ANO4: variants seen among roughly 807,000 people sequenced by gnomAD.
ANO4 encodes the protein anoctamin 4.
A neutral mutation model predicts 141.9 loss-of-function variants in ANO4; 69 were observed. The observed-to-expected ratio is 0.49, with a 90% CI of 0.40 to 0.59. The LOEUF (loss-of-function observed/expected upper bound fraction) is 0.59. ANO4 is among the 20% of genes least tolerant of loss of function. ANO4 has a pLI of 0.00. For synonymous variants in ANO4, 350 were observed against 394.3 expected (o/e 0.89, Z 1.33); for missense variants, 894 against 1,162.2 (o/e 0.77, Z 3.36).
chr12:100,855,006 CT>C (rs1320141017), intron 1 of ANO4, among the ~76,000 whole-genome samples: 1 of 151,196 alleles, frequency 6.6e-6, no homozygotes, highest in African/African-American at 2.4e-5. Flanking sequence ...ATTTTTTTTT[CT>C]CCTCATACGC....
At chr12:100,962,919 T>G (rs2043488532) in intron 5 of ANO4, among the ~76,000 whole-genome samples, 1 of 151,890 alleles carries the variant, frequency 6.6e-6, no homozygotes, top group Non-Finnish European at 1.5e-5. Context: ...TGGAGAGAAG[T>G]GGATAGATTA....
At chr12:101,064,217 C>T (rs117581944) in intron 14 of ANO4, among the ~76,000 whole-genome samples, 2,196 of 152,160 alleles carry the variant, frequency 0.014, 20 homozygotes, top group Non-Finnish European at 0.024. Context: ...TATTTTTAAT[C>T]AGTCCAAAAT....
At chr12:100,849,309 A>T (rs1406705220) in intron 1 of ANO4, among the ~76,000 whole-genome samples, 1 of 152,238 alleles carries the variant, frequency 6.6e-6, no homozygotes, top group African/African-American at 2.4e-5. Flanking sequence ...TGTATTTTCA[A>T]GTGTTTTATT....
chr12:100,929,533 T>C lies in ANO4; in HGVS notation c.160+7203T>C, dbSNP rs1592746620. On this transcript the variant is annotated intron_variant, in intron 3 of 27. Coordinates refer to ENST00000392977, the MANE Select transcript of ANO4 (RefSeq NM_001286615.2). ...GTTCATCTGTTGATGGACACTTAGG[T>C]TCCTTCCAAATCTTGGCTATTGTGA... Among the ~76,000 whole-genome samples the C allele has an allele frequency of 2.6e-5, 4 of 152,312 alleles. No homozygotes were observed. The South Asian group carries it at 6.2e-4, about 24-fold the overall frequency.
chr12:100,734,403 A>C lies in ANO4; in HGVS notation c.106+546A>C, dbSNP rs148416955. ...AGCCGTGCCATTTTTCTTTTGGTTG[A>C]ATCCTTCTTCTCCTTTCCATTTCCT... On this transcript the variant is annotated intron_variant, in intron 2 of 29. Transcript: ENST00000644049. 2.9e-3 allele frequency among the ~76,000 whole-genome samples: 442 copies of C among 152,276 alleles called. 1 individual carries two copies. Among genetic ancestry groups the C allele is most frequent in the African/African-American group, 9.8e-3 (406 of 41,554 alleles).
At chr12:100,864,566 C>T (rs539682688) in intron 1 of ANO4, among the ~76,000 whole-genome samples, 2 of 152,280 alleles carry the variant, frequency 1.3e-5, no homozygotes, top group East Asian at 1.9e-4. Flanking sequence ...CAGGAATCCC[C>T]TCTTCAGCCT....
intron 5 of ANO4, among the ~76,000 whole-genome samples, chr12:100,963,581 C>T (rs2043519633): frequency 6.6e-6 from 1 of 152,056 alleles, no homozygotes; most frequent in South Asian, 2.1e-4. Context: ...AAACTACACT[C>T]ACAAATTCCA....
chr12:100,730,313 G>GCC (rs76185584), intron 1 of ANO4, among the ~76,000 whole-genome samples: 18,249 of 151,852 alleles, frequency 0.12, 1,420 homozygotes, highest in East Asian at 0.3. Context: ...CTCCTCCCCT[G>GCC]CCCCCCAAGA....
intron 11 of ANO4, 119 bp downstream of exon 11, chr12:101,040,195 T>C: frequency 4.6e-6 from 6 of 1,296,606 alleles, no homozygotes; most frequent in Non-Finnish European, 6.1e-6. Context: ...CTCACTCATA[T>C]CTGGCTTCTT....
chr12:100,922,055 T>A (rs528423942), intron 2 of ANO4, among the ~76,000 whole-genome samples, 171 bp from the exon 3 acceptor site: 23 of 151,686 alleles, frequency 1.5e-4, no homozygotes, highest in African/African-American at 4.1e-4. Context: ...TGCAAATGGC[T>A]TGTATATGTT....
chr12:100,844,773 TAGTC>T (rs113323148), intron 1 of ANO4, among the ~76,000 whole-genome samples: 90,869 of 149,536 alleles, frequency 0.61, 27,559 homozygotes, highest in East Asian at 0.68. Flanking sequence ...AGGTATAAAA[TAGTC>T]AGCCGGAGGG....
rs560922222 is a variant in ANO4 at position 101,031,705 on chromosome 12, C to T, written c.842-5390C>T. On this transcript the variant is annotated intron_variant, in intron 9 of 27. Coordinates refer to ENST00000392977, the MANE Select transcript of ANO4 (RefSeq NM_001286615.2). ...ACTCCATGATCTCAGCCAAAAATTT[C>T]CTTAAGCTGACAAGCAACTTCAGCA... 7.9e-5 allele frequency among the ~76,000 whole-genome samples: 12 copies of T among 152,224 alleles called. No individual in the cohort carries two copies. The South Asian group carries it at 1.5e-3, about 18-fold the overall frequency.
At position 101,098,057 on chromosome 12, in the gene ANO4, C is replaced by G; in HGVS notation, c.2006+112C>G. The G allele has an allele frequency of 3.3e-6, 3 of 898,170 alleles. No individual in the cohort carries two copies. In the East Asian group the frequency reaches 7.4e-5, roughly 22 times the overall value. The allele number at this position is 898,170 out of a possible 1,614,324, so 55.6% of individuals were successfully genotyped here. A position where few individuals can be genotyped will look rare whatever the true frequency, so the allele number is the denominator to read the frequency against. ...CTCAGCAGTTAAGCCAGTGCGTGCA[C>G]CTGGAACTAAGTGCTCACATTTAGA... On this transcript the variant is annotated intron_variant, in intron 21 of 27. Transcript: ENST00000392977.
At chr12:101,085,386 G>GGTTA (rs2049447776) in intron 16 of ANO4, among the ~76,000 whole-genome samples, 1 of 152,062 alleles carries the variant, frequency 6.6e-6, no homozygotes, top group South Asian at 2.1e-4. Context: ...TTTAAAAAAA[G>GGTTA]GTTAGTTGTA....
intron 21 of ANO4, among the ~76,000 whole-genome samples, chr12:101,099,005 A>G (rs1346597147): frequency 1.3e-5 from 2 of 152,172 alleles, no homozygotes; most frequent in Non-Finnish European, 2.9e-5. Context: ...AACACTGCTA[A>G]GGGTTCCTGT....
At chr12:100,844,575 C>A (rs1275295124) in intron 1 of ANO4, among the ~76,000 whole-genome samples, 1 of 152,022 alleles carries the variant, frequency 6.6e-6, no homozygotes, top group Admixed American at 6.6e-5. Context: ...CAGGAACTCC[C>A]AACAGACACA....
intron 1 of ANO4, among the ~76,000 whole-genome samples, chr12:100,890,954 TTTC>T (rs2040075683): frequency 2.0e-5 from 3 of 152,178 alleles, no homozygotes; most frequent in Admixed American, 2.0e-4. Flanking sequence ...TTCTCCCTCC[TTTC>T]TTCTTTCCTC....
intron 9 of ANO4, 59 bp downstream of exon 9, chr12:101,020,199 C>T (rs541554084): frequency 1.4e-4 from 173 of 1,215,096 alleles, no homozygotes; most frequent in Non-Finnish European, 1.9e-4. Flanking sequence ...CAGACTTCTT[C>T]CCTTGGTTTT....
rs1402704819 is a variant in ANO4, at chr12:101,120,642, A to G, written c.2676+17A>G. 6.3e-7 allele frequency: 1 copy of G among 1,592,808 alleles called. No homozygotes were observed. Among genetic ancestry groups the G allele is most frequent in the Non-Finnish European group, 8.6e-7 (1 of 1,160,800 alleles). On this transcript the variant is annotated intron_variant, in intron 26 of 27. Coordinates refer to ENST00000392977, the MANE Select transcript of ANO4 (RefSeq NM_001286615.2). Reference sequence around the variant, plus strand: ...GTCTTTGAGGTAAGTTTCCTCAGCCAAATTCTTTATTTCCTTTGACATAAT... The same window carrying G: ...GTCTTTGAGGTAAGTTTCCTCAGCCGAATTCTTTATTTCCTTTGACATAAT...
Sources: gnomAD v4.1 joint callset for allele counts (sites outside exome capture counted in the v4.1 genomes callset) on GRCh38, gnomAD v4.1.1 for gene constraint, MANE v1.5 for transcripts, NCBI Gene and HGNC (gene_info 2026-07-23, HGNC 2026-07-21) for gene names.